The following KLHL1 variants were observed in gnomAD, a reference collection of about 807,000 sequenced individuals.
The protein encoded by KLHL1 is kelch-like protein 1.
Under a neutral mutation model 77.7 loss-of-function variants are expected in KLHL1, and 47 were observed. The observed-to-expected ratio is 0.60, with a 90% CI of 0.48 to 0.77. KLHL1 has a LOEUF of 0.77. Ranked by LOEUF, KLHL1 falls within the 30% of genes least tolerant of loss-of-function variation. The pLI, the probability that KLHL1 is intolerant of heterozygous loss-of-function variation, is 0.00. For synonymous variants in KLHL1, 360 were observed against 325.2 expected, an observed-to-expected ratio of 1.11 and a Z score of -1.15; for missense variants, 925 against 910.8, an observed-to-expected ratio of 1.02 and a Z score of -0.20.
In KLHL1 at chr13:69,910,342, T is replaced by A. The variant is rs151213768; in HGVS notation, c.1015-27847A>T. 4.5e-4 allele frequency among the ~76,000 whole-genome samples: 68 copies of A among 152,220 alleles called. 1 individual carries two copies. The highest frequency in any genetic ancestry group is 1.5e-3 in the African/African-American group (63 of 41,550). ...ACACCACTCTGTAGAATGGTTTGCC[T>A]CTAGGTTAAGGCCCATGTCAATCAT... On this transcript the variant is annotated intron_variant, in intron 4 of 10. Coordinates refer to ENST00000377844, the MANE Select transcript of KLHL1 (RefSeq NM_020866.3).
In KLHL1 at chr13:69,940,039, C is replaced by A. The variant is rs774564621; in HGVS notation, c.1014+1G>T. On this transcript the variant is annotated splice_donor_variant, in intron 4 of 10. Transcript: ENST00000377844. LOFTEE classifies it high-confidence loss of function. The stretch of plus-strand genomic sequence containing the variant: ...ATTATTAAAACATTAAGTTTCCTTA[C>A]CATTGTGTAGCTGTGGGCCACCTTC... 6.3e-7 allele frequency: 1 copy of A among 1,596,162 alleles called. No homozygotes were observed.
chr13:69,820,638 G>C (rs1878296270), intron 6 of KLHL1, among the ~76,000 whole-genome samples: 1 of 152,198 alleles, frequency 6.6e-6, no homozygotes, highest in Non-Finnish European at 1.5e-5. Context: ...GTTGAGAATT[G>C]CCTCTGGAGA....
intron 1 of KLHL1, among the ~76,000 whole-genome samples, chr13:70,029,272 A>T (rs952945077): frequency 5.3e-5 from 8 of 152,134 alleles, no homozygotes; most frequent in African/African-American, 1.7e-4. Context: ...ATATGGGCAG[A>T]TGAAAGAAAT....
At chr13:69,867,321 C>A (rs1038877943) in intron 5 of KLHL1, among the ~76,000 whole-genome samples, 1 of 151,932 alleles carries the variant, frequency 6.6e-6, no homozygotes, top group Non-Finnish European at 1.5e-5. Flanking sequence ...ACATTATCTT[C>A]CAATAAACCC....
In KLHL1 at chr13:69,822,800, G is replaced by T. The variant is rs148858864; in HGVS notation, c.1414+16176C>A. On this transcript the variant is annotated intron_variant, in intron 6 of 10. Transcript: ENST00000377844. Reference sequence around the variant, plus strand: ...TTAACCTTATAATATAGAATAACTGGTTTAATATAATTATCTGATAAAGAT... The same window carrying T: ...TTAACCTTATAATATAGAATAACTGTTTTAATATAATTATCTGATAAAGAT... Among the ~76,000 whole-genome samples the T allele has an allele frequency of 5.8e-3, 882 of 151,918 alleles. 12 individuals are homozygous for T. Among genetic ancestry groups the T allele is most frequent in the African/African-American group, 0.02 (811 of 41,446 alleles).
intron 1 of KLHL1, among the ~76,000 whole-genome samples, chr13:70,101,991 A>G (rs1345250101): frequency 3.3e-5 from 5 of 151,678 alleles, no homozygotes; most frequent in Non-Finnish European, 2.9e-5. Flanking sequence ...AGTTTGTTCC[A>G]TTATATTATT....
In KLHL1 at chr13:69,839,290, G is replaced by A. The variant is rs903344931; in HGVS notation, c.1228-128C>T. The A allele has an allele frequency of 9.5e-6, 5 of 528,756 alleles. No individual in the cohort carries two copies. In the African/African-American group the frequency reaches 9.8e-5, roughly 10 times the overall value. The allele number at this position is 528,756 out of a possible 1,614,324, so 32.8% of individuals were successfully genotyped here. On this transcript the variant is annotated intron_variant, in intron 5 of 10. Coordinates refer to ENST00000377844, the MANE Select transcript of KLHL1 (RefSeq NM_020866.3). ...TTGAGCAGGATGCAGGGTGTAGTAA[G>A]AATTCATTACAGTAACAAATAAAAA...
At chr13:69,883,379 A>G (rs1241242390) in intron 4 of KLHL1, among the ~76,000 whole-genome samples, 1 of 152,166 alleles carries the variant, frequency 6.6e-6, no homozygotes, top group Non-Finnish European at 1.5e-5. Flanking sequence ...AATGACTTTT[A>G]TCAACTTTGC....
intron 1 of KLHL1, among the ~76,000 whole-genome samples, chr13:70,009,022 G>T (rs1263617583): frequency 6.6e-6 from 1 of 152,068 alleles, no homozygotes; most frequent in African/African-American, 2.4e-5. Flanking sequence ...GTAAAGATGA[G>T]ATTATAACAT....
At chr13:69,937,806 A>C (rs928648359) in intron 4 of KLHL1, among the ~76,000 whole-genome samples, 2 of 152,198 alleles carry the variant, frequency 1.3e-5, no homozygotes, top group Non-Finnish European at 2.9e-5. Flanking sequence ...ACAAATAATA[A>C]AGAAGAGAAA....
At chr13:69,938,362 T>G (rs780755671) in intron 4 of KLHL1, among the ~76,000 whole-genome samples, 1 of 152,118 alleles carries the variant, frequency 6.6e-6, no homozygotes, top group East Asian at 1.9e-4. Flanking sequence ...TCATTCAGAA[T>G]GTTGAGTACC....
chr13:70,108,250 G>A lies in KLHL1; in HGVS notation c.-551C>T. The A allele has an allele frequency of 2.6e-6, 1 of 386,280 alleles. No individual in the cohort carries two copies. The highest frequency in any genetic ancestry group is 4.6e-6 in the Non-Finnish European group (1 of 218,980). 23.9% of individuals were successfully genotyped at this position (386,280 alleles called of 1,614,324 possible). A position where few individuals can be genotyped will look rare whatever the true frequency, so the allele number is the denominator to read the frequency against. ...CGTACCCCTCGCCAGATCTCTTGGT[G>A]CACCTGCGCCCCTGTCCCTGGCCTT... is the stretch of plus-strand genomic sequence containing the variant. On this transcript the variant is annotated 5_prime_UTR_variant, in exon 1 of 11. Coordinates refer to ENST00000377844, the MANE Select transcript of KLHL1 (RefSeq NM_020866.3).
Position 70,003,818 on chromosome 13 carries a change from C to T in KLHL1, c.498-28016G>A, listed in dbSNP as rs939330108. ...AATTAGGAGTAAGGAATTAAGTAGA[C>T]GAGATTGTAGACAGGGCGATATATT... On this transcript the variant is annotated intron_variant, in intron 1 of 10. Transcript: ENST00000377844. Among the ~76,000 whole-genome samples, 81 of 151,260 alleles carry T rather than the reference C, an allele frequency of 5.4e-4. 1 individual carries two copies. Among genetic ancestry groups the T allele is most frequent in the Non-Finnish European group, 2.1e-4 (14 of 67,706 alleles).
intron 7 of KLHL1, among the ~76,000 whole-genome samples, chr13:69,793,186 A>G (rs1463806144): frequency 2.0e-5 from 3 of 152,090 alleles, no homozygotes; most frequent in African/African-American, 4.8e-5. Flanking sequence ...GAAATAGTGC[A>G]TTGTAGTAAT....
intron 2 of KLHL1, among the ~76,000 whole-genome samples, chr13:69,963,602 G>A (rs9572317): frequency 6.6e-6 from 1 of 151,962 alleles, no homozygotes. Context: ...CACAGCAGAT[G>A]TGGCCCCTGC....
chr13:69,854,549 G>A (rs1005853213), intron 5 of KLHL1, among the ~76,000 whole-genome samples: 2 of 151,962 alleles, frequency 1.3e-5, no homozygotes, highest in African/African-American at 4.8e-5. Context: ...ACATAAGAAA[G>A]GCTAAGGACT....
chr13:70,031,286 T>G (rs1038075525), intron 1 of KLHL1, among the ~76,000 whole-genome samples: 2 of 152,152 alleles, frequency 1.3e-5, no homozygotes, highest in South Asian at 4.1e-4. Context: ...CATCTCACAT[T>G]GGAGGTGTTC....
rs1016421467 is a variant in KLHL1 at position 69,707,512 on chromosome 13, A to G, written c.2187+113T>C. 7 of 902,022 alleles carry G rather than the reference A, an allele frequency of 7.8e-6. No homozygotes were observed. In the African/African-American group the frequency reaches 1.2e-4, roughly 15 times the overall value. 55.9% of individuals were successfully genotyped at this position (902,022 alleles called of 1,614,324 possible). On this transcript the variant is annotated intron_variant, in intron 10 of 10. Coordinates refer to ENST00000377844, the MANE Select transcript of KLHL1 (RefSeq NM_020866.3). ...AACACAATATTGGATAAAAACAATC[A>G]TTTTTGGTTTAGGGTAATTAGACTA...
chr13:70,036,285 C>T (rs1194255263), intron 1 of KLHL1, among the ~76,000 whole-genome samples: 1 of 151,640 alleles, frequency 6.6e-6, no homozygotes, highest in Middle Eastern at 3.2e-3. Context: ...TTATTATAAA[C>T]AAACACAACA....
Sources: allele counts gnomAD v4.1 joint callset (sites outside exome capture counted in the v4.1 genomes callset), GRCh38; gene constraint gnomAD v4.1.1; transcripts MANE v1.5; gene names NCBI Gene and HGNC (gene_info 2026-07-23, HGNC 2026-07-21).